The following SLC16A7 variants were observed in gnomAD, a reference collection of about 807,000 sequenced individuals.
SLC16A7 encodes the protein monocarboxylate transporter 2.
SLC16A7 carries 33 observed loss-of-function variants against 34.9 expected under a neutral mutation model. The ratio of observed to expected loss-of-function variants is 0.94; its 90% CI spans 0.72 to 1.26. The LOEUF (loss-of-function observed/expected upper bound fraction) is 1.26. Ranked by LOEUF, SLC16A7 falls within the 50% of genes most tolerant of loss-of-function variation. The pLI is 0.00. For synonymous variants in SLC16A7, 201 were observed against 206.6 expected (o/e 0.97, Z 0.23); for missense variants, 573 against 578.1 (o/e 0.99, Z 0.09).
chr12:59,736,143 G>T (rs1354490168), intron 3 of SLC16A7, among the ~76,000 whole-genome samples: 1 of 152,162 alleles, frequency 6.6e-6, no homozygotes, highest in African/African-American at 2.4e-5. Flanking sequence ...CAAGGCTCCA[G>T]GGACAGAAGC....
At position 59,676,050 on chromosome 12, in the gene SLC16A7, G is replaced by A. The variant is rs144196704; in HGVS notation, c.-31+20800G>A. On this transcript the variant is annotated intron_variant, in intron 2 of 5. Transcript: ENST00000547379. ...GCAAATTGTCAAGAAATTTATGAGG[G>A]TAACAGCTTGAATATGTGTTCCCAA... Among the ~76,000 whole-genome samples the A allele has an allele frequency of 2.6e-3, 389 of 152,108 alleles. 2 individuals are homozygous for A. Among genetic ancestry groups the A allele is most frequent in the Middle Eastern group, 0.017 (5 of 292 alleles).
rs1031513757 is a variant in SLC16A7 at position 59,789,793 on chromosome 12, C to T, written c.*10114C>T. On this transcript the variant is annotated 3_prime_UTR_variant, in exon 6 of 6. Transcript: ENST00000547379. Reference sequence around the variant, plus strand: ...TATTTCTATAATATGTAAGAAAAAACCTGTATTGCTTATTAAATTAAAATT... The same window carrying T: ...TATTTCTATAATATGTAAGAAAAAATCTGTATTGCTTATTAAATTAAAATT... The T allele has an allele frequency of 7.3e-5, 11 of 149,770 alleles. No individual in the cohort carries two copies. Among genetic ancestry groups the T allele is most frequent in the Admixed American group, 4.0e-4 (6 of 15,000 alleles). 9.3% of individuals were successfully genotyped at this position (149,770 alleles called of 1,614,324 possible). A position where few individuals can be genotyped will look rare whatever the true frequency, so the allele number is the denominator to read the frequency against.
intron 1 of SLC16A7, among the ~76,000 whole-genome samples, chr12:59,653,679 T>C (rs1868393981): frequency 6.6e-6 from 1 of 151,700 alleles, no homozygotes; most frequent in South Asian, 2.1e-4. Flanking sequence ...TTTACTAAAT[T>C]ACCATGTATA....
intron 3 of SLC16A7, among the ~76,000 whole-genome samples, chr12:59,711,667 C>T (rs1205896804): frequency 2.0e-5 from 3 of 152,100 alleles, no homozygotes; most frequent in Admixed American, 2.0e-4. Flanking sequence ...TACAGAGGTG[C>T]ACCACCATGC....
chr12:59,684,357 C>T (rs1360119773), intron 2 of SLC16A7, among the ~76,000 whole-genome samples: 2 of 152,138 alleles, frequency 1.3e-5, no homozygotes, highest in Non-Finnish European at 2.9e-5. Flanking sequence ...TCCTCTAGGA[C>T]AGAAAAGAAA....
At chr12:59,613,406 T>C (rs1879291137) in intron 1 of SLC16A7, among the ~76,000 whole-genome samples, 1 of 152,180 alleles carries the variant, frequency 6.6e-6, no homozygotes, top group Non-Finnish European at 1.5e-5. Context: ...CACAACCAAA[T>C]TATATCACCT....
intron 3 of SLC16A7, among the ~76,000 whole-genome samples, chr12:59,736,263 G>T (rs12824600): frequency 2.0e-5 from 3 of 152,062 alleles, no homozygotes; most frequent in Non-Finnish European, 2.9e-5. Context: ...AATTGCTAGA[G>T]AGTGGGTGTT....
intron 1 of SLC16A7, among the ~76,000 whole-genome samples, chr12:59,638,471 C>A (rs1307460621): frequency 6.6e-6 from 1 of 152,110 alleles, no homozygotes; most frequent in Non-Finnish European, 1.5e-5. Context: ...ACTAAATTTT[C>A]CCAATTCACT....
intron 1 of SLC16A7, among the ~76,000 whole-genome samples, chr12:59,602,676 G>C (rs59320157): frequency 0.011 from 1,729 of 151,684 alleles, 47 homozygotes; most frequent in East Asian, 0.1. Context: ...GTAGAAATAG[G>C]GTTTCACCAT....
chr12:59,599,078 C>G (rs1450919526), intron 1 of SLC16A7, among the ~76,000 whole-genome samples: 1 of 136,364 alleles, frequency 7.3e-6, no homozygotes, highest in Non-Finnish European at 1.6e-5. Context: ...TGTCATATAG[C>G]TTCTGCCTTG....
chr12:59,755,569 A>C (rs1035911345), intron 3 of SLC16A7, among the ~76,000 whole-genome samples: 2 of 152,224 alleles, frequency 1.3e-5, no homozygotes, highest in African/African-American at 2.4e-5. Context: ...GGACCTCTTC[A>C]AGGAGAACTA....
intron 1 of SLC16A7, among the ~76,000 whole-genome samples, chr12:59,650,995 C>T (rs1350721126): frequency 6.6e-6 from 1 of 152,122 alleles, no homozygotes; most frequent in Non-Finnish European, 1.5e-5. Flanking sequence ...ATTTTTGCTT[C>T]TCTCTTACTC....
intron 2 of SLC16A7, among the ~76,000 whole-genome samples, chr12:59,672,671 T>C (rs1442852315): frequency 1.3e-5 from 2 of 152,176 alleles, no homozygotes; most frequent in Non-Finnish European, 2.9e-5. Context: ...ACCATGTGCT[T>C]GCAGAAGAGA....
chr12:59,756,694 G>C (rs1210689139), intron 3 of SLC16A7, among the ~76,000 whole-genome samples: 2 of 139,494 alleles, frequency 1.4e-5, no homozygotes, highest in Admixed American at 7.1e-5. Flanking sequence ...GGAAGACAGT[G>C]TGGCGATTCC....
intron 2 of SLC16A7, among the ~76,000 whole-genome samples, chr12:59,678,899 C>A (rs1165544780): frequency 2.0e-5 from 3 of 152,174 alleles, no homozygotes; most frequent in Non-Finnish European, 2.9e-5. Context: ...TTGTTGATGC[C>A]CAAAGCCCAG....
Position 59,779,827 on chromosome 12 carries a change from T to G in SLC16A7, c.*148T>G, listed in dbSNP as rs994812295. 2.3e-5 allele frequency: 14 copies of G among 607,290 alleles called. No homozygotes were observed. The highest frequency in any genetic ancestry group is 3.6e-5 in the Non-Finnish European group (13 of 360,118). The allele number at this position is 607,290 out of a possible 1,614,324, so 37.6% of individuals were successfully genotyped here. A position where few individuals can be genotyped will look rare whatever the true frequency, so the allele number is the denominator to read the frequency against. On this transcript the variant is annotated 3_prime_UTR_variant, in exon 6 of 6. Coordinates refer to ENST00000547379, the MANE Select transcript of SLC16A7 (RefSeq NM_001270623.2). ...GTGATATTTTCCTCAATGGCAAATT[T>G]TAAATTAGTTTTTAAAAACTTACTT... is the stretch of plus-strand genomic sequence containing the variant.
At chr12:59,668,751 T>A (rs1052370416) in intron 2 of SLC16A7, among the ~76,000 whole-genome samples, 4 of 152,090 alleles carry the variant, frequency 2.6e-5, no homozygotes, top group Non-Finnish European at 5.9e-5. Context: ...GGGCTAGGAG[T>A]GAAATGATAT....
intron 1 of SLC16A7, among the ~76,000 whole-genome samples, chr12:59,647,416 G>A (rs1868266312): frequency 6.6e-6 from 1 of 152,144 alleles, no homozygotes; most frequent in African/African-American, 2.4e-5. Flanking sequence ...TGTGAAGAAG[G>A]ATGTGTTTGC....
intron 3 of SLC16A7, among the ~76,000 whole-genome samples, chr12:59,740,428 T>C (rs1272265436): frequency 6.6e-6 from 1 of 152,206 alleles, no homozygotes; most frequent in African/African-American, 2.4e-5. Flanking sequence ...ACCAGTACCA[T>C]GCTGTTTTGG....
Sources: allele counts gnomAD v4.1 joint callset (sites outside exome capture counted in the v4.1 genomes callset), GRCh38; gene constraint gnomAD v4.1.1; transcripts MANE v1.5; gene names NCBI Gene and HGNC (gene_info 2026-07-23, HGNC 2026-07-21).